Variants in QRICH1 observed in about 807,000 individuals in gnomAD.
QRICH1 encodes the protein glutamine rich 1.
QRICH1 carries 16 observed loss-of-function variants against 87.1 expected under a neutral mutation model. The observed-to-expected ratio is 0.18, with a 90% CI of 0.12 to 0.28. QRICH1 has a LOEUF of 0.28. Among genes scored for constraint, QRICH1 ranks in the 10% least tolerant of loss-of-function variants. The pLI, the probability that QRICH1 is intolerant of heterozygous loss-of-function variation, is 1.00. For synonymous variants in QRICH1, 367 were observed against 368.4 expected, an observed-to-expected ratio of 1.00 and a Z score of 0.05; for missense variants, 647 against 951.7, an observed-to-expected ratio of 0.68 and a Z score of 4.21.
chr3:49,040,866 G>A (rs2093305829), intron 6 of QRICH1, among the ~76,000 whole-genome samples: 2 of 152,166 alleles, frequency 1.3e-5, no homozygotes, highest in South Asian at 4.1e-4. Context: ...CCCTATCTGT[G>A]TCAGCATTTG....
At chr3:49,091,139 C>T (rs2042268313) in intron 1 of QRICH1, among the ~76,000 whole-genome samples, 1 of 152,270 alleles carries the variant, frequency 6.6e-6, no homozygotes, top group South Asian at 2.1e-4. Flanking sequence ...AGGAGAATGG[C>T]GTGAACCCAG....
chr3:49,030,954 C>T (rs182544470), intron 9 of QRICH1, among the ~76,000 whole-genome samples: 1 of 151,182 alleles, frequency 6.6e-6, no homozygotes, highest in African/African-American at 2.4e-5. Flanking sequence ...TTGAAGCCAG[C>T]TTCACTGCTC....
intron 8 of QRICH1, 129 bp downstream of exon 8, chr3:49,032,493 A>G: frequency 1.6e-6 from 2 of 1,257,138 alleles, no homozygotes; most frequent in South Asian, 3.0e-5. Context: ...TTGGCTGGGG[A>G]GAAGGGAGTG....
chr3:49,088,618 G>GT (rs1206382284), intron 1 of QRICH1, among the ~76,000 whole-genome samples: 1,760 of 93,150 alleles, frequency 0.019, 33 homozygotes, highest in South Asian at 0.064. Context: ...GCTTTTGTCT[G>GT]TTTTTTTTTT....
At chr3:49,078,866 A>G (rs2106993697) in intron 1 of QRICH1, among the ~76,000 whole-genome samples, 1 of 151,134 alleles carries the variant, frequency 6.6e-6, no homozygotes, top group Middle Eastern at 3.4e-3. Context: ...TAATTTATGT[A>G]TTTTTAGTAG....
In QRICH1 at chr3:49,057,470, G is replaced by A; in HGVS notation, c.730C>T (p.Pro244Ser). 1 of 1,613,028 alleles carries A rather than the reference G, an allele frequency of 6.2e-7. No individual in the cohort carries two copies. The highest frequency in any genetic ancestry group is 8.5e-7 in the Non-Finnish European group (1 of 1,179,482). The change falls in exon 3 of 10, where the codon CCA (proline) becomes TCA (serine). Residue 244 changes from proline (P) to serine (S), a missense_variant. Coordinates refer to ENST00000395443, the MANE Select transcript of QRICH1 (RefSeq NM_198880.3). The surrounding 1 kb of genome is among the most constrained non-coding windows in gnomAD (Gnocchi z 5.4). ...ATGTCCACTTTGCGCTTCTTCACTGGTTGGAGGACACTGGCCGTGCCAACC... is the reference window on the plus strand; with the variant it reads ...ATGTCCACTTTGCGCTTCTTCACTGATTGGAGGACACTGGCCGTGCCAACC... ...RRVGTASVLQ[P>S]VKKRKVDMPI...
At chr3:49,081,689 C>T (rs1392773006) in intron 1 of QRICH1, among the ~76,000 whole-genome samples, 1 of 152,128 alleles carries the variant, frequency 6.6e-6, no homozygotes, top group African/African-American at 2.4e-5. Context: ...GTTAGAGAGA[C>T]AGGGTTTTGC....
intron 1 of QRICH1, among the ~76,000 whole-genome samples, chr3:49,078,994 G>C (rs2042006261): frequency 1.3e-5 from 2 of 151,928 alleles, no homozygotes; most frequent in South Asian, 4.1e-4. Flanking sequence ...ATTGGTTTCT[G>C]TAATATCCAT....
chr3:49,055,285 A>T (rs1346235247), intron 3 of QRICH1, among the ~76,000 whole-genome samples: 2 of 152,106 alleles, frequency 1.3e-5, no homozygotes, highest in Non-Finnish European at 2.9e-5. Context: ...CCACAAACAT[A>T]TGCATGCTCA....
intron 7 of QRICH1, 172 bp from the exon 8 acceptor site, chr3:49,032,945 G>T: frequency 1.0e-6 from 1 of 955,570 alleles, no homozygotes; most frequent in Non-Finnish European, 1.5e-6. Flanking sequence ...GATGGTAGGG[G>T]TCTGGCAAGG....
chr3:49,079,313 T>C (rs1238649187), intron 1 of QRICH1, among the ~76,000 whole-genome samples: 1 of 151,902 alleles, frequency 6.6e-6, no homozygotes, highest in Non-Finnish European at 1.5e-5. Context: ...TCTCAGCTAC[T>C]CAGGAGGCTG....
At chr3:49,043,487 ACT>A (rs1303106806) in intron 6 of QRICH1, among the ~76,000 whole-genome samples, 5 of 94,348 alleles carry the variant, frequency 5.3e-5, no homozygotes, top group Non-Finnish European at 8.0e-5. Context: ...CAAGAGCAAA[ACT>A]CTGTCTCAAA....
At chr3:49,074,131 T>G (rs553983541) in intron 2 of QRICH1, among the ~76,000 whole-genome samples, 1 of 152,124 alleles carries the variant, frequency 6.6e-6, no homozygotes, top group Non-Finnish European at 1.5e-5. Context: ...CCATACGTAA[T>G]CTGAGTTATG....
At chr3:49,078,386 CTTTTTTTTTT>C (rs60933196) in intron 1 of QRICH1, among the ~76,000 whole-genome samples, 11 of 69,826 alleles carry the variant, frequency 1.6e-4, no homozygotes, top group South Asian at 6.4e-4. Context: ...ATTATGGTTC[CTTTTTTTTTT>C]TTTTTTTTTT....
chr3:49,046,116 T>C (rs555440312), intron 5 of QRICH1, among the ~76,000 whole-genome samples: 1 of 151,810 alleles, frequency 6.6e-6, no homozygotes, highest in East Asian at 2.0e-4. Flanking sequence ...GGTTTCACCA[T>C]GTTGGCTGGG....
chr3:49,046,614 TG>T, intron 4 of QRICH1, 35 bp from the exon 5 acceptor site: 1 of 1,605,970 alleles, frequency 6.2e-7, no homozygotes, highest in Non-Finnish European at 8.5e-7. Context: ...ATGAAGGTCC[TG>T]GGGGTCCATA....
At chr3:49,036,046 A>C (rs1392715676) in intron 6 of QRICH1, among the ~76,000 whole-genome samples, 1 of 152,166 alleles carries the variant, frequency 6.6e-6, no homozygotes, top group African/African-American at 2.4e-5. Context: ...AGATTGTGCC[A>C]CTGCACTCCA....
At chr3:49,056,604 T>C (rs1193666145) in intron 3 of QRICH1, 12 of 605,390 alleles carry the variant, frequency 2.0e-5, no homozygotes, top group East Asian at 1.7e-4. Flanking sequence ...GAAGTGTCCA[T>C]GGTACTTAAA....
chr3:49,036,283 G>A (rs2093274862), intron 6 of QRICH1, among the ~76,000 whole-genome samples: 1 of 152,112 alleles, frequency 6.6e-6, no homozygotes, highest in South Asian at 2.1e-4. Flanking sequence ...GAAGATCCTA[G>A]AAACAAGACC....
Sources: allele counts gnomAD v4.1 joint callset (sites outside exome capture counted in the v4.1 genomes callset), GRCh38; gene constraint gnomAD v4.1.1; non-coding constraint Gnocchi (gnomAD v3.1); transcripts MANE v1.5; gene names NCBI Gene and HGNC (gene_info 2026-07-23, HGNC 2026-07-21).